Variants in EPHB2 observed in about 807,000 individuals in gnomAD.
The protein encoded by EPHB2 is ephrin type-B receptor 2.
Under a neutral mutation model 96.4 loss-of-function variants are expected in EPHB2, and 18 were observed. The ratio of observed to expected loss-of-function variants is 0.19; its 90% CI spans 0.13 to 0.28. The LOEUF is 0.28. Ranked by LOEUF, EPHB2 falls within the 10% of genes least tolerant of loss-of-function variation. The pLI is 1.00. For synonymous variants in EPHB2, 506 were observed against 534.1 expected, an observed-to-expected ratio of 0.95 and a Z score of 0.72; for missense variants, 989 against 1,355.4, an observed-to-expected ratio of 0.73 and a Z score of 4.25.
intron 1 of EPHB2, among the ~76,000 whole-genome samples, chr1:22,747,348 AT>A: frequency 6.6e-6 from 1 of 152,346 alleles, no homozygotes; most frequent in East Asian, 1.9e-4. Flanking sequence ...ACGGAGTTAT[AT>A]TACTTAATCC....
intron 1 of EPHB2, among the ~76,000 whole-genome samples, chr1:22,778,947 G>T (rs535825875): frequency 6.4e-4 from 98 of 152,292 alleles, no homozygotes; most frequent in Non-Finnish European, 1.1e-3. Flanking sequence ...TTGGCCTCTG[G>T]GTCAGCCCAG....
At chr1:22,787,571 G>A (rs1452861659) in intron 3 of EPHB2, among the ~76,000 whole-genome samples, 1 of 152,132 alleles carries the variant, frequency 6.6e-6, no homozygotes, top group Non-Finnish European at 1.5e-5. Flanking sequence ...GCAACATAGT[G>A]AGACCCTGTC....
chr1:22,864,207 G>A (rs931233693), intron 4 of EPHB2, among the ~76,000 whole-genome samples: 2 of 152,136 alleles, frequency 1.3e-5, no homozygotes, highest in Admixed American at 6.5e-5. Flanking sequence ...CATCATGCCC[G>A]GCTAATTTTT....
intron 3 of EPHB2, among the ~76,000 whole-genome samples, chr1:22,788,884 A>C (rs1644652076): frequency 6.6e-6 from 1 of 151,606 alleles, no homozygotes; most frequent in African/African-American, 2.4e-5. Flanking sequence ...CCTCCTGAGT[A>C]GCTGGGATTA....
chr1:22,773,124 C>G (rs980156552), intron 1 of EPHB2, among the ~76,000 whole-genome samples: 1 of 152,180 alleles, frequency 6.6e-6, no homozygotes, highest in Non-Finnish European at 1.5e-5. Flanking sequence ...CCTTTGGCTC[C>G]CAATGCCTCC....
chr1:22,908,049 C>T lies in EPHB2; in HGVS notation c.2233C>T (p.Arg745Cys), dbSNP rs761749948. 7 of 1,614,142 alleles carry T rather than the reference C, an allele frequency of 4.3e-6. No individual in the cohort carries two copies. In the Admixed American group the frequency reaches 6.7e-5, roughly 15 times the overall value. The change falls in exon 12 of 16, where the codon CGT becomes TGT. Residue 745 changes from arginine (R) to cysteine (C), a missense_variant. Coordinates refer to ENST00000374630, the MANE Select transcript of EPHB2 (RefSeq NM_017449.5). Reference sequence around the variant, plus strand: ...CCTGGCAGACATGAACTATGTTCACCGTGACCTGGCTGCCCGCAACATCCT... The same window carrying T: ...CCTGGCAGACATGAACTATGTTCACTGTGACCTGGCTGCCCGCAACATCCT... ...KYLADMNYVH[R>C]DLAARNILVN...
At chr1:22,901,997 T>C (rs1345968695) in intron 9 of EPHB2, among the ~76,000 whole-genome samples, 2 of 152,016 alleles carry the variant, frequency 1.3e-5, no homozygotes, top group African/African-American at 2.4e-5. Flanking sequence ...GGCTAACTTA[T>C]TTATTTTTTG....
intron 3 of EPHB2, among the ~76,000 whole-genome samples, chr1:22,835,109 T>A (rs1645360685): frequency 6.6e-6 from 1 of 152,122 alleles, no homozygotes; most frequent in Non-Finnish European, 1.5e-5. Context: ...CCGGGCACAG[T>A]GGCTCACACC....
intron 4 of EPHB2, 45 bp from the exon 5 acceptor site, chr1:22,864,832 T>C: frequency 7.6e-7 from 1 of 1,308,788 alleles, no homozygotes; most frequent in Non-Finnish European, 1.1e-6. Flanking sequence ...TGGGGAATAG[T>C]ACCCCCTGAG....
chr1:22,753,534 A>C (rs1428158065), intron 1 of EPHB2, among the ~76,000 whole-genome samples: 1 of 152,144 alleles, frequency 6.6e-6, no homozygotes, highest in East Asian at 1.9e-4. Context: ...GTGGTCAGGG[A>C]AGGCTCCCAT....
Position 22,870,690 on chromosome 1 carries a change from A to G in EPHB2, c.1303+5478A>G, listed in dbSNP as rs1287205763. 2.0e-5 allele frequency among the ~76,000 whole-genome samples: 3 copies of G among 152,286 alleles called. No homozygotes were observed. In the East Asian group the frequency reaches 5.8e-4, roughly 29 times the overall value. On this transcript the variant is annotated intron_variant, in intron 5 of 15. Coordinates refer to ENST00000374630, the MANE Select transcript of EPHB2 (RefSeq NM_017449.5). ...TGGCCATTCTCCAGGGCTGCCCCGG[A>G]CACAGCCTAAGCCCTTTAAGGATCT... is the stretch of plus-strand genomic sequence containing the variant.
chr1:22,718,379 CTTTT>C (rs5773014), intron 1 of EPHB2, among the ~76,000 whole-genome samples: 4 of 81,490 alleles, frequency 4.9e-5, no homozygotes, highest in Admixed American at 1.6e-4. Context: ...GCTGTCAATT[CTTTT>C]TTTTTTTTTT....
At chr1:22,880,117 C>T (rs1436200030) in intron 5 of EPHB2, among the ~76,000 whole-genome samples, 1 of 152,100 alleles carries the variant, frequency 6.6e-6, no homozygotes, top group East Asian at 1.9e-4. Context: ...CCTCAGAGAT[C>T]TTCTAGCCTG....
chr1:22,873,118 T>C (rs1638726011), intron 5 of EPHB2, among the ~76,000 whole-genome samples: 1 of 152,208 alleles, frequency 6.6e-6, no homozygotes, highest in African/African-American at 2.4e-5. Context: ...AATCAACCAT[T>C]AACCACAAAG....
At chr1:22,853,464 T>C (rs1645654468) in intron 3 of EPHB2, among the ~76,000 whole-genome samples, 1 of 152,238 alleles carries the variant, frequency 6.6e-6, no homozygotes, top group African/African-American at 2.4e-5. Flanking sequence ...GTCACCATCC[T>C]GTATACTCAT....
At chr1:22,863,348 G>C (rs958979997) in intron 4 of EPHB2, 156 bp downstream of exon 4, 13 of 1,248,762 alleles carry the variant, frequency 1.0e-5, no homozygotes, top group Admixed American at 4.0e-5. Context: ...GCATCCTGGG[G>C]TGGCCATGCT....
chr1:22,909,038 TC>T lies in EPHB2; in HGVS notation c.2371del (p.Arg791AlafsTer29). On this transcript the variant is annotated frameshift_variant, in exon 13 of 16. Coordinates refer to ENST00000374630, the MANE Select transcript of EPHB2 (RefSeq NM_017449.5). LOFTEE classifies it high-confidence loss of function. ...GTCTCCCAGGGCGGAAAGATCCCCA[TC>T]CGCTGGACAGCCCCGGAAGCCATCC... ...YTSALGGKIP[I>X]RWTAPEAIQY... The T allele has an allele frequency of 6.2e-7, 1 of 1,613,988 alleles. No individual in the cohort carries two copies. Among genetic ancestry groups the T allele is most frequent in the Non-Finnish European group, 8.5e-7 (1 of 1,179,980 alleles).
At chr1:22,764,799 G>A (rs1644284174) in intron 1 of EPHB2, among the ~76,000 whole-genome samples, 1 of 152,126 alleles carries the variant, frequency 6.6e-6, no homozygotes, top group Non-Finnish European at 1.5e-5. Context: ...CCGCTGGATA[G>A]GCCATTAGGC....
intron 3 of EPHB2, among the ~76,000 whole-genome samples, chr1:22,812,691 A>G (rs916400851): frequency 6.6e-6 from 1 of 152,226 alleles, no homozygotes; most frequent in African/African-American, 2.4e-5. Context: ...CTCATCTGTA[A>G]AATGGGCATA....
Sources: allele counts gnomAD v4.1 joint callset (sites outside exome capture counted in the v4.1 genomes callset), GRCh38; gene constraint gnomAD v4.1.1; transcripts MANE v1.5; gene names NCBI Gene and HGNC (gene_info 2026-07-23, HGNC 2026-07-21).